Variants in FAAH2 observed in about 807,000 individuals in gnomAD.
FAAH2 encodes fatty-acid amide hydrolase 2.
In FAAH2, 60 loss-of-function variants were observed where a neutral mutation model predicts 36.9. That is an observed-to-expected ratio of 1.63 (90% CI 1.32 to 2.02). FAAH2 has a LOEUF of 2.02. FAAH2 is among the 30% of genes most tolerant of loss of function. The probability of loss-of-function intolerance (pLI) is 0.00; values close to 1 mark genes in which losing one functional copy is unlikely to be tolerated. For synonymous variants in FAAH2, 214 were observed against 143.8 expected (o/e 1.49, Z -3.49); for missense variants, 689 against 397.5 (o/e 1.73, Z -6.23).
At chrX:57,202,841 T>G in the FAAH2 span, among the ~76,000 whole-genome samples, 1 of 111,839 alleles carries the variant, frequency 8.9e-6, no homozygotes, top group Non-Finnish European at 1.9e-5. Context: ...GGGCTGGCAC[T>G]CAAACCAGAA....
intron 7 of FAAH2, among the ~76,000 whole-genome samples, chrX:57,430,921 T>A (rs1416184757): frequency 1.8e-5 from 2 of 112,024 alleles, no homozygotes; most frequent in African/African-American, 6.5e-5. Context: ...TCTTAAATGA[T>A]AAATGTCGCT....
chrX:57,323,664 C>G (rs780201439), intron 3 of FAAH2, among the ~76,000 whole-genome samples: 1,225 of 105,267 alleles, frequency 0.012, 12 homozygotes, highest in African/African-American at 0.04. Context: ...TATCCTTCAC[C>G]CACTTGTTGA....
intron 7 of FAAH2, chrX:57,395,262 T>C: frequency 4.6e-6 from 3 of 645,983 alleles, no homozygotes; most frequent in Non-Finnish European, 7.6e-6. Context: ...TATATAAAGA[T>C]TGGAATCATC....
the FAAH2 span, among the ~76,000 whole-genome samples, chrX:57,258,361 A>T: frequency 9.0e-6 from 1 of 111,727 alleles, no homozygotes; most frequent in Non-Finnish European, 1.9e-5. Context: ...TATAAGATTA[A>T]AAACTCCATA....
At chrX:57,138,210 G>GT in the FAAH2 span, among the ~76,000 whole-genome samples, 3 of 111,211 alleles carry the variant, frequency 2.7e-5, no homozygotes, top group African/African-American at 6.5e-5. Context: ...ATTTTTGTGT[G>GT]TTTTTTTGTG....
chrX:57,260,343 T>C, the FAAH2 span, among the ~76,000 whole-genome samples: 1 of 111,842 alleles, frequency 8.9e-6, no homozygotes, highest in Non-Finnish European at 1.9e-5. Context: ...GGTAATATTT[T>C]CAACAAAATG....
intron 7 of FAAH2, among the ~76,000 whole-genome samples, chrX:57,397,745 G>A (rs1024695317): frequency 9.2e-6 from 1 of 108,614 alleles, no homozygotes; most frequent in African/African-American, 3.4e-5. Flanking sequence ...GGGTACATGT[G>A]CACAATGTGC....
the FAAH2 span, among the ~76,000 whole-genome samples, chrX:57,174,190 G>T: frequency 2.7e-5 from 3 of 109,556 alleles, no homozygotes; most frequent in Non-Finnish European, 5.7e-5. Flanking sequence ...CTGTGAATCT[G>T]GAATCTCTCT....
intron 5 of FAAH2, among the ~76,000 whole-genome samples, chrX:57,371,564 A>G (rs1222677795): frequency 9.4e-6 from 1 of 106,156 alleles, no homozygotes; most frequent in Non-Finnish European, 2.0e-5. Context: ...TGTGTCTTTT[A>G]GGTAGAACAA....
At chrX:57,302,183 CACTT>C (rs901721117) in intron 2 of FAAH2, among the ~76,000 whole-genome samples, 2 of 111,751 alleles carry the variant, frequency 1.8e-5, no homozygotes, top group Non-Finnish European at 3.8e-5. Flanking sequence ...TCAAAATACA[CACTT>C]ACAGAATCAC....
the FAAH2 span, among the ~76,000 whole-genome samples, chrX:57,151,371 C>T: frequency 1.8e-5 from 2 of 111,920 alleles, no homozygotes; most frequent in African/African-American, 6.5e-5. Context: ...AACTTGGTTC[C>T]ATTCTCCCCG....
chrX:57,452,095 G>A (rs993439627), intron 10 of FAAH2: 82 of 681,166 alleles, frequency 1.2e-4, no homozygotes, highest in Non-Finnish European at 1.3e-4. Context: ...TACAAAAGTG[G>A]CCTTTCACTG....
chrX:57,420,836 A>G (rs2056001110), intron 7 of FAAH2, among the ~76,000 whole-genome samples: 2 of 111,107 alleles, frequency 1.8e-5, no homozygotes. Context: ...TTGCCCATTC[A>G]GTGTGATATT....
At chrX:57,183,690 G>A in the FAAH2 span, among the ~76,000 whole-genome samples, 2 of 111,419 alleles carry the variant, frequency 1.8e-5, no homozygotes, top group Admixed American at 1.9e-4. Flanking sequence ...TGTGATAATT[G>A]TGTTAACTGT....
At chrX:57,354,278 G>C (rs191975777) in intron 5 of FAAH2, among the ~76,000 whole-genome samples, 1 of 110,882 alleles carries the variant, frequency 9.0e-6, no homozygotes, top group Non-Finnish European at 1.9e-5. Flanking sequence ...GTCTTTTGCA[G>C]CAACATGGAT....
At chrX:57,156,432 T>A in the FAAH2 span, among the ~76,000 whole-genome samples, 1 of 112,127 alleles carries the variant, frequency 8.9e-6, no homozygotes, top group Admixed American at 9.5e-5. Context: ...ATGTTCTTAA[T>A]GCTTGTGGAT....
chrX:57,266,688 C>T, the FAAH2 span, among the ~76,000 whole-genome samples: 2 of 112,451 alleles, frequency 1.8e-5, no homozygotes, highest in Admixed American at 9.3e-5. Context: ...ACAGGGAATC[C>T]CTGGCTGGGG....
At chrX:57,271,368 G>T in the FAAH2 span, among the ~76,000 whole-genome samples, 7 of 112,251 alleles carry the variant, frequency 6.2e-5, no homozygotes, top group Admixed American at 1.9e-4. Context: ...CTGCCTGATG[G>T]CTCTGAAGAG....
At chrX:57,133,821 A>G in the FAAH2 span, among the ~76,000 whole-genome samples, 1 of 112,079 alleles carries the variant, frequency 8.9e-6, no homozygotes, top group African/African-American at 3.2e-5. Context: ...GTATACAAGA[A>G]AATTAATCCC....
Sources: gnomAD v4.1 joint callset for allele counts (sites outside exome capture counted in the v4.1 genomes callset) on GRCh38, gnomAD v4.1.1 for gene constraint, MANE v1.5 for transcripts, NCBI Gene and HGNC (gene_info 2026-07-23, HGNC 2026-07-21) for gene names.